The following FAM184B variants were observed in gnomAD, a reference collection of about 807,000 sequenced individuals.
The protein encoded by FAM184B is family with sequence similarity 184 member B.
In FAM184B, 111 loss-of-function variants were observed where a neutral mutation model predicts 135.9. The ratio of observed to expected loss-of-function variants is 0.82; its 90% CI spans 0.70 to 0.96. The LOEUF (loss-of-function observed/expected upper bound fraction) is 0.96, where lower values mean the gene tolerates loss of function less well. Among genes scored for constraint, FAM184B ranks in the 40% least tolerant of loss-of-function variants. The pLI, the probability that FAM184B is intolerant of heterozygous loss-of-function variation, is 0.00. For missense variants in FAM184B, 1,375 were observed against 1,323.9 expected, an observed-to-expected ratio of 1.04 and a Z score of -0.60; for synonymous variants, 552 against 524.8, an observed-to-expected ratio of 1.05 and a Z score of -0.71.
chr4:17,649,161 T>C (rs915020527), intron 11 of FAM184B, among the ~76,000 whole-genome samples: 1 of 152,188 alleles, frequency 6.6e-6, no homozygotes, highest in African/African-American at 2.4e-5. Context: ...CAAATGATCT[T>C]TAGAGTGAAA....
chr4:17,652,146 T>TTTTG (rs762642185), intron 11 of FAM184B, among the ~76,000 whole-genome samples: 58,605 of 131,488 alleles, frequency 0.45, 12,475 homozygotes, highest in East Asian at 0.77. Context: ...TTTTTTTTTT[T>TTTTG]TTGAGTCTTG....
At chr4:17,636,387 G>C in intron 15 of FAM184B, 141 bp downstream of exon 15, 1 of 680,100 alleles carries the variant, frequency 1.5e-6, no homozygotes, top group Non-Finnish European at 2.5e-6. Context: ...ACAGGCTTGA[G>C]CCACCGCGCA....
chr4:17,661,745 A>G (rs1222010186), intron 8 of FAM184B, among the ~76,000 whole-genome samples: 1 of 152,220 alleles, frequency 6.6e-6, no homozygotes, highest in Non-Finnish European at 1.5e-5. Flanking sequence ...TTAGGAGGCC[A>G]GAGAAACTGG....
rs879795890 is a variant in FAM184B at position 17,758,871 on chromosome 4, T to TA, written c.141+22287dup. Among the ~76,000 whole-genome samples, 833 of 138,152 alleles carry TA rather than the reference T, an allele frequency of 6.0e-3. 11 individuals carry two copies. Among genetic ancestry groups the TA allele is most frequent in the African/African-American group, 0.017 (650 of 37,598 alleles). The allele number at this position is 138,152 out of a possible 152,430, so 90.6% of individuals were successfully genotyped here. The stretch of plus-strand genomic sequence containing the variant: ...CAGATAGCTTACCGAATTTAGGGGG[T>TA]AAAAAAAAAAAACCAAGTAAGCTTA... On this transcript the variant is annotated intron_variant, in intron 1 of 17. Transcript: ENST00000265018.
In FAM184B at chr4:17,705,748, C is replaced by T. The variant is rs773777660; in HGVS notation, c.1170+4G>A. ...TCCATCCCCAGGGCTGGGTCAGACA[C>T]TACCTGCATATCTGTGCCTCCTTTC... On this transcript the variant is annotated splice_donor_region_variant and intron_variant, in intron 4 of 17. Transcript: ENST00000265018. 3.9e-6 allele frequency: 6 copies of T among 1,551,702 alleles called. No homozygotes were observed. In the South Asian group the frequency reaches 5.9e-5, roughly 15 times the overall value.
At chr4:17,769,310 A>C (rs752603180) in intron 1 of FAM184B, among the ~76,000 whole-genome samples, 5 of 152,226 alleles carry the variant, frequency 3.3e-5, no homozygotes, top group Non-Finnish European at 7.3e-5. Context: ...TAGGGTTTGC[A>C]TAAATGTTAA....
Position 17,632,238 on chromosome 4 carries a change from C to T in FAM184B, c.*294G>A, listed in dbSNP as rs1055024398. Reference sequence around the variant, plus strand: ...CACAGGCACACGCCACCATGCCTGGCTAATTTTTGTATATTTTGTAGAGAT... The same window carrying T: ...CACAGGCACACGCCACCATGCCTGGTTAATTTTTGTATATTTTGTAGAGAT... On this transcript the variant is annotated 3_prime_UTR_variant, in exon 18 of 18. Coordinates refer to ENST00000265018, the MANE Select transcript of FAM184B (RefSeq NM_015688.2). The T allele has an allele frequency of 6.1e-5, 11 of 179,520 alleles. No homozygotes were observed. The highest frequency in any genetic ancestry group is 1.1e-4 in the Non-Finnish European group (9 of 84,528). The allele number at this position is 179,520 out of a possible 1,614,324, so 11.1% of individuals were successfully genotyped here.
chr4:17,741,284 AC>A (rs1450776238), intron 1 of FAM184B, among the ~76,000 whole-genome samples: 1 of 152,220 alleles, frequency 6.6e-6, no homozygotes, highest in African/African-American at 2.4e-5. Flanking sequence ...ACAATTTTAG[AC>A]AAGGTGGTCA....
chr4:17,740,807 A>G (rs1393444784), intron 1 of FAM184B, among the ~76,000 whole-genome samples: 5 of 152,216 alleles, frequency 3.3e-5, no homozygotes, highest in Non-Finnish European at 7.3e-5. Context: ...TGGGAGACTT[A>G]TGTTTTATGT....
chr4:17,768,710 T>G (rs965381558), intron 1 of FAM184B, among the ~76,000 whole-genome samples: 1 of 152,214 alleles, frequency 6.6e-6, no homozygotes, highest in African/African-American at 2.4e-5. Context: ...TTTGTTCACA[T>G]TTTTCCTACT....
chr4:17,641,643 CTTTTTTTTTTTTTTTTT>C (rs34886078), intron 13 of FAM184B, among the ~76,000 whole-genome samples: 1 of 24,376 alleles, frequency 4.1e-5, no homozygotes, highest in Non-Finnish European at 7.2e-5. Flanking sequence ...CACGCCCGGC[CTTTTTTTTTTTTTTTTT>C]TTTTTTTTTT....
intron 1 of FAM184B, among the ~76,000 whole-genome samples, chr4:17,758,737 A>G (rs956443236): frequency 2.0e-5 from 3 of 152,226 alleles, no homozygotes; most frequent in African/African-American, 4.8e-5. Flanking sequence ...ACAGCTGCAC[A>G]CTGCTCAGGG....
chr4:17,712,344 T>C (rs773648630), intron 1 of FAM184B, among the ~76,000 whole-genome samples: 1 of 152,148 alleles, frequency 6.6e-6, no homozygotes, highest in Non-Finnish European at 1.5e-5. Context: ...GAACCCCACA[T>C]GAGACGTCCT....
intron 7 of FAM184B, among the ~76,000 whole-genome samples, chr4:17,683,316 G>A (rs545760521): frequency 4.8e-4 from 73 of 152,218 alleles, no homozygotes; most frequent in African/African-American, 1.7e-3. Context: ...CACTGCACCC[G>A]GCAAATTCCA....
At chr4:17,662,321 T>C (rs1371258457) in intron 8 of FAM184B, among the ~76,000 whole-genome samples, 2 of 149,020 alleles carry the variant, frequency 1.3e-5, no homozygotes, top group African/African-American at 4.9e-5. Flanking sequence ...TGCCCAAGGA[T>C]TTTTGTGGAT....
At chr4:17,713,548 T>G (rs942473425) in intron 1 of FAM184B, among the ~76,000 whole-genome samples, 2 of 152,242 alleles carry the variant, frequency 1.3e-5, no homozygotes, top group Admixed American at 6.5e-5. Context: ...AAATTTACTA[T>G]GTGCCTAGCA....
At chr4:17,648,615 A>G (rs1442260693) in intron 11 of FAM184B, among the ~76,000 whole-genome samples, 1 of 151,968 alleles carries the variant, frequency 6.6e-6, no homozygotes, top group Non-Finnish European at 1.5e-5. Context: ...TAGCCTCCCA[A>G]AGTGCTGGGA....
intron 7 of FAM184B, among the ~76,000 whole-genome samples, chr4:17,673,889 C>G (rs1716250968): frequency 6.6e-6 from 1 of 152,058 alleles, no homozygotes; most frequent in African/African-American, 2.4e-5. Context: ...AACCAAACAC[C>G]ACCTGTTCAC....
At chr4:17,696,355 C>T (rs955906123) in intron 5 of FAM184B, among the ~76,000 whole-genome samples, 4 of 152,110 alleles carry the variant, frequency 2.6e-5, no homozygotes, top group Non-Finnish European at 5.9e-5. Flanking sequence ...TGTCATGTAT[C>T]GGACAACAGC....
Sources: allele counts gnomAD v4.1 joint callset (sites outside exome capture counted in the v4.1 genomes callset), GRCh38; gene constraint gnomAD v4.1.1; transcripts MANE v1.5; gene names NCBI Gene and HGNC (gene_info 2026-07-23, HGNC 2026-07-21).